APPL2: variants seen among roughly 807,000 people sequenced by gnomAD.
APPL2 encodes the protein DCC-interacting protein 13-beta.
In APPL2, 84 loss-of-function variants were observed where a neutral mutation model predicts 92.7. That is an observed-to-expected ratio of 0.91 (90% CI 0.76 to 1.09). The LOEUF (loss-of-function observed/expected upper bound fraction) is 1.09. Among genes scored for constraint, APPL2 ranks in the 50% least tolerant of loss-of-function variants. The probability of loss-of-function intolerance (pLI) is 0.00; values close to 1 mark genes in which losing one functional copy is unlikely to be tolerated. For synonymous variants in APPL2, 291 were observed against 291.0 expected, an observed-to-expected ratio of 1.00 and a Z score of 0.00; for missense variants, 736 against 824.5, an observed-to-expected ratio of 0.89 and a Z score of 1.31.
At chr12:105,177,992 T>C (rs1044267544) in intron 17 of APPL2, among the ~76,000 whole-genome samples, 1 of 152,196 alleles carries the variant, frequency 6.6e-6, no homozygotes, top group Non-Finnish European at 1.5e-5. Flanking sequence ...GGTTTCACCA[T>C]GTTGACCAGG....
At chr12:105,216,434 C>A (rs959826829) in intron 4 of APPL2, among the ~76,000 whole-genome samples, 5 of 151,888 alleles carry the variant, frequency 3.3e-5, no homozygotes, top group African/African-American at 1.2e-4. Flanking sequence ...ATATGACCAC[C>A]CAGAACATGT....
In APPL2 at chr12:105,179,093, C is replaced by T. The variant is rs149749928; in HGVS notation, c.1635-1831G>A. ...TGGTGGTTTGCTGCGCCCATCAACCCGTTATCTACATTAGGTATTTCTCCT... is the reference window on the plus strand; with the variant it reads ...TGGTGGTTTGCTGCGCCCATCAACCTGTTATCTACATTAGGTATTTCTCCT... On this transcript the variant is annotated intron_variant, in intron 17 of 20. Coordinates refer to ENST00000258530, the MANE Select transcript of APPL2 (RefSeq NM_018171.5). Among the ~76,000 whole-genome samples, 734 of 152,230 alleles carry T rather than the reference C, an allele frequency of 4.8e-3. 6 individuals carry two copies. The highest frequency in any genetic ancestry group is 0.017 in the African/African-American group (709 of 41,528).
At chr12:105,186,716 C>T (rs1450481824) in intron 17 of APPL2, among the ~76,000 whole-genome samples, 1 of 108,528 alleles carries the variant, frequency 9.2e-6, no homozygotes, top group Non-Finnish European at 1.7e-5. Context: ...TATATCATAT[C>T]ATATATATAT....
chr12:105,197,655 T>C (rs1240894605), intron 11 of APPL2, 110 bp downstream of exon 11: 16 of 1,344,554 alleles, frequency 1.2e-5, no homozygotes, highest in South Asian at 2.6e-5. Flanking sequence ...AATACCCAGA[T>C]TGGGGCCTCT....
At chr12:105,230,575 A>G (rs1458315013) in intron 1 of APPL2, among the ~76,000 whole-genome samples, 1 of 152,224 alleles carries the variant, frequency 6.6e-6, no homozygotes, top group East Asian at 1.9e-4. Flanking sequence ...TTTCCCTGCA[A>G]ATAAATTGCA....
At chr12:105,198,348 C>T (rs1417066237) in intron 10 of APPL2, among the ~76,000 whole-genome samples, 3 of 152,200 alleles carry the variant, frequency 2.0e-5, no homozygotes, top group African/African-American at 4.8e-5. Flanking sequence ...ACAGCACCCA[C>T]CCCATAGTCC....
rs1029337347 is a variant in APPL2, at chr12:105,177,357, C to T, written c.1635-95G>A. On this transcript the variant is annotated intron_variant, in intron 17 of 20. Transcript: ENST00000258530. The stretch of plus-strand genomic sequence containing the variant: ...AAGTCCAGAATAAATACAAATTCCC[C>T]GAAATAGAGATAAAGCCTGTTAGAG... The T allele has an allele frequency of 1.7e-5, 22 of 1,313,658 alleles. No homozygotes were observed. In the East Asian group the frequency reaches 1.9e-4, roughly 11 times the overall value. The allele number at this position is 1,313,658 out of a possible 1,614,324, so 81.4% of individuals were successfully genotyped here.
chr12:105,177,140 T>G (rs753784396), intron 18 of APPL2, 86 bp downstream of exon 18: 1 of 1,596,732 alleles, frequency 6.3e-7, no homozygotes, highest in Admixed American at 1.7e-5. Context: ...AGATCTTTAT[T>G]AATAAAGTGC....
intron 2 of APPL2, among the ~76,000 whole-genome samples, chr12:105,220,597 T>C (rs1431308459): frequency 1.3e-5 from 2 of 152,192 alleles, no homozygotes; most frequent in Non-Finnish European, 2.9e-5. Context: ...CTTCCCCATA[T>C]ATGCCTCCTT....
intron 14 of APPL2, among the ~76,000 whole-genome samples, chr12:105,194,930 CCTTA>C (rs1887513219): frequency 1.3e-5 from 2 of 151,910 alleles, no homozygotes; most frequent in African/African-American, 4.8e-5. Flanking sequence ...GCTTTCGTTC[CCTTA>C]CTTTGTTGAC....
intron 3 of APPL2, 113 bp from the exon 4 acceptor site, chr12:105,217,253 C>A: frequency 1.5e-6 from 1 of 659,358 alleles, no homozygotes; most frequent in Non-Finnish European, 2.6e-6. Flanking sequence ...TCTCCAAGAG[C>A]ACGTCCTATC....
chr12:105,232,732 C>G (rs1459962318), intron 1 of APPL2, among the ~76,000 whole-genome samples: 1 of 149,620 alleles, frequency 6.7e-6, no homozygotes, highest in Admixed American at 6.7e-5. Flanking sequence ...CCACTGCACC[C>G]CAGTCTGGGC....
chr12:105,194,300 A>G (rs553351086), intron 14 of APPL2, among the ~76,000 whole-genome samples: 4 of 152,190 alleles, frequency 2.6e-5, no homozygotes, highest in Non-Finnish European at 5.9e-5. Context: ...ATCCTAAAGC[A>G]CTATTCAAAA....
At chr12:105,186,597 T>G (rs1032273980) in intron 17 of APPL2, among the ~76,000 whole-genome samples, 1 of 144,444 alleles carries the variant, frequency 6.9e-6, no homozygotes, top group African/African-American at 2.5e-5. Context: ...AACGCTTATT[T>G]TCCATTAAAT....
At chr12:105,188,082 G>A (rs1011916935) in intron 17 of APPL2, among the ~76,000 whole-genome samples, 191 bp downstream of exon 17, 3 of 152,140 alleles carry the variant, frequency 2.0e-5, no homozygotes, top group Non-Finnish European at 4.4e-5. Flanking sequence ...CTCACCACTG[G>A]ATTTTTGAAG....
chr12:105,183,180 A>C (rs981403650), intron 17 of APPL2, among the ~76,000 whole-genome samples: 2 of 150,412 alleles, frequency 1.3e-5, no homozygotes, highest in Admixed American at 1.3e-4. Context: ...TCCTGAATAC[A>C]GCAAACTGAT....
In APPL2 at chr12:105,194,876, C is replaced by T. The variant is rs1982308; in HGVS notation, c.1241+385G>A. On this transcript the variant is annotated intron_variant, in intron 14 of 20. Transcript: ENST00000258530. ...AAGGCGTGGACATTAACATGGGATA[C>T]ATAAAAGGCGATTTTTTTTTCCTTA... 6.0e-3 allele frequency among the ~76,000 whole-genome samples: 904 copies of T among 151,544 alleles called. 18 individuals are homozygous for T. Among genetic ancestry groups the T allele is most frequent in the African/African-American group, 0.021 (854 of 41,338 alleles).
chr12:105,174,160 T>C lies in APPL2; in HGVS notation c.*154A>G, dbSNP rs1157130323. ...GCTGTCAACCATTTCTTAGTTTCCCTCCCAAGTCTCAGTATCAAGGCATCA... is the reference window on the plus strand; with the variant it reads ...GCTGTCAACCATTTCTTAGTTTCCCCCCCAAGTCTCAGTATCAAGGCATCA... On this transcript the variant is annotated 3_prime_UTR_variant, in exon 21 of 21. Transcript: ENST00000258530. 2 of 881,218 alleles carry C rather than the reference T, an allele frequency of 2.3e-6. No individual in the cohort carries two copies. Among genetic ancestry groups the C allele is most frequent in the Non-Finnish European group, 1.6e-6 (1 of 607,488 alleles). 54.6% of individuals were successfully genotyped at this position (881,218 alleles called of 1,614,324 possible).
chr12:105,176,785 C>A (rs555725549), intron 19 of APPL2, 91 bp downstream of exon 19: 4 of 1,486,564 alleles, frequency 2.7e-6, no homozygotes, highest in Non-Finnish European at 3.7e-6. Context: ...GAATAATCAA[C>A]TAAATATCCA....
Sources: gnomAD v4.1 joint callset for allele counts (sites outside exome capture counted in the v4.1 genomes callset) on GRCh38, gnomAD v4.1.1 for gene constraint, MANE v1.5 for transcripts, NCBI Gene and HGNC (gene_info 2026-07-23, HGNC 2026-07-21) for gene names.